The following CCDC60 variants were observed in gnomAD, a reference collection of about 807,000 sequenced individuals.
CCDC60 encodes the protein coiled-coil domain-containing protein 60.
A neutral mutation model predicts 63.5 loss-of-function variants in CCDC60; 54 were observed. The ratio of observed to expected loss-of-function variants is 0.85; its 90% CI spans 0.68 to 1.07. The LOEUF (loss-of-function observed/expected upper bound fraction) is 1.07. Ranked by LOEUF, CCDC60 falls within the 50% of genes least tolerant of loss-of-function variation. The pLI is 0.00. For missense variants in CCDC60, 651 were observed against 684.3 expected (o/e 0.95, Z 0.54); for synonymous variants, 206 against 238.8 (o/e 0.86, Z 1.27).
intron 1 of CCDC60, among the ~76,000 whole-genome samples, chr12:119,390,956 C>T (rs1956147206): frequency 6.6e-6 from 1 of 152,236 alleles, no homozygotes; most frequent in Non-Finnish European, 1.5e-5. Flanking sequence ...GCTGTTTAAC[C>T]TCAGGCCACC....
At chr12:119,393,971 T>A (rs1483997467) in intron 1 of CCDC60, among the ~76,000 whole-genome samples, 1 of 152,196 alleles carries the variant, frequency 6.6e-6, no homozygotes, top group Non-Finnish European at 1.5e-5. Flanking sequence ...CCTGATCATC[T>A]TGAGCTTAAG....
chr12:119,465,980 A>G (rs543641999), intron 2 of CCDC60, among the ~76,000 whole-genome samples: 1 of 152,220 alleles, frequency 6.6e-6, no homozygotes, highest in Non-Finnish European at 1.5e-5. Context: ...ATATGATGTC[A>G]TATAACATTT....
intron 7 of CCDC60, among the ~76,000 whole-genome samples, chr12:119,507,754 T>C (rs1031128307): frequency 2.0e-5 from 3 of 150,888 alleles, no homozygotes; most frequent in Non-Finnish European, 4.4e-5. Context: ...CACTTACGGA[T>C]TTCTTGATTC....
At chr12:119,481,620 T>G (rs1951320265) in intron 4 of CCDC60, among the ~76,000 whole-genome samples, 1 of 152,114 alleles carries the variant, frequency 6.6e-6, no homozygotes, top group African/African-American at 2.4e-5. Flanking sequence ...TTTTTTTATT[T>G]CCATAGGTTT....
intron 2 of CCDC60, among the ~76,000 whole-genome samples, chr12:119,461,608 G>T (rs989054495): frequency 6.6e-6 from 1 of 152,204 alleles, no homozygotes; most frequent in African/African-American, 2.4e-5. Context: ...TGGTTGAGAA[G>T]AAATTGTATT....
At chr12:119,346,817 T>C (rs1955600402) in intron 1 of CCDC60, among the ~76,000 whole-genome samples, 1 of 134,330 alleles carries the variant, frequency 7.4e-6, no homozygotes, top group Non-Finnish European at 1.7e-5. Flanking sequence ...TCTTTCTTTC[T>C]TTCTTTCTTT....
chr12:119,447,316 C>T (rs1950560274), intron 2 of CCDC60, among the ~76,000 whole-genome samples: 1 of 152,156 alleles, frequency 6.6e-6, no homozygotes, highest in South Asian at 2.1e-4. Context: ...ACCCCTCCCA[C>T]TTCCCCTTGT....
At chr12:119,433,621 G>C in intron 2 of CCDC60, 1 of 700,754 alleles carries the variant, frequency 1.4e-6, no homozygotes, top group Non-Finnish European at 2.6e-6. Context: ...TAAATGAGGC[G>C]AATTGTTAAC....
chr12:119,354,601 T>G (rs747963836), intron 1 of CCDC60, among the ~76,000 whole-genome samples: 4 of 152,210 alleles, frequency 2.6e-5, no homozygotes, highest in Non-Finnish European at 5.9e-5. Context: ...GGAGACTTTC[T>G]TTCCAGCTAC....
intron 1 of CCDC60, among the ~76,000 whole-genome samples, chr12:119,422,289 T>C (rs563619930): frequency 2.5e-4 from 38 of 152,180 alleles, no homozygotes; most frequent in African/African-American, 8.9e-4. Context: ...TGCAACCAGG[T>C]TGGGAGTCAT....
intron 6 of CCDC60, 115 bp from the exon 7 acceptor site, chr12:119,504,954 C>G (rs1951950941): frequency 2.9e-6 from 2 of 695,886 alleles, no homozygotes; most frequent in African/African-American, 3.6e-5. Context: ...CAGTCAGACC[C>G]AGGCTTTGCT....
chr12:119,449,484 T>C (rs375738818), intron 2 of CCDC60, among the ~76,000 whole-genome samples: 1 of 152,124 alleles, frequency 6.6e-6, no homozygotes, highest in East Asian at 1.9e-4. Flanking sequence ...TATAACCTGC[T>C]CCATCCAAAG....
rs1566027854 is a variant in CCDC60 at position 119,472,146 on chromosome 12, A to AT, written c.324dup (p.Gly109TrpfsTer9). 1.2e-6 allele frequency: 2 copies of AT among 1,614,076 alleles called. No individual in the cohort carries two copies. The highest frequency in any genetic ancestry group is 1.7e-6 in the Non-Finnish European group (2 of 1,179,974). On this transcript the variant is annotated frameshift_variant, in exon 3 of 14. Coordinates refer to ENST00000327554, the MANE Select transcript of CCDC60 (RefSeq NM_178499.5). LOFTEE classifies it high-confidence loss of function. ...GCCGAAAAGATCTCAGAAATCCACT[A>AT]TGGGGACACCTTATTGAGGTAAGTG...
At chr12:119,519,399 ATATGTGTGTG>A (rs1381384420) in intron 8 of CCDC60, among the ~76,000 whole-genome samples, 1,724 of 99,954 alleles carry the variant, frequency 0.017, 13 homozygotes, top group Non-Finnish European at 0.025. Context: ...GTAGTGATAT[ATATGTGTGTG>A]TGTGTGTGTG....
At chr12:119,523,097 C>T in intron 10 of CCDC60, 96 bp downstream of exon 10, 3 of 1,098,870 alleles carry the variant, frequency 2.7e-6, no homozygotes, top group Non-Finnish European at 2.8e-6. Context: ...CCAATGCAGA[C>T]CAGACTCCCT....
At chr12:119,476,105 C>T (rs1053469391) in intron 3 of CCDC60, among the ~76,000 whole-genome samples, 3 of 151,972 alleles carry the variant, frequency 2.0e-5, no homozygotes, top group African/African-American at 7.3e-5. Context: ...CCATAGAATA[C>T]ATTCTTTTAG....
At chr12:119,400,697 T>C (rs1565987794) in intron 1 of CCDC60, among the ~76,000 whole-genome samples, 2 of 152,254 alleles carry the variant, frequency 1.3e-5, no homozygotes, top group Admixed American at 6.5e-5. Flanking sequence ...CAGAATGTAG[T>C]CCATGAATTT....
At chr12:119,341,161 C>T (rs1265965781) in intron 1 of CCDC60, among the ~76,000 whole-genome samples, 2 of 152,184 alleles carry the variant, frequency 1.3e-5, no homozygotes, top group African/African-American at 2.4e-5. Flanking sequence ...CTTGCCTTAG[C>T]GAATCTTGCT....
intron 1 of CCDC60, among the ~76,000 whole-genome samples, chr12:119,356,117 T>G (rs1174968039): frequency 6.6e-6 from 1 of 152,248 alleles, no homozygotes; most frequent in Non-Finnish European, 1.5e-5. Flanking sequence ...TACAGCTACT[T>G]GCTCTAAACA....
Sources: gnomAD v4.1 joint callset for allele counts (sites outside exome capture counted in the v4.1 genomes callset) on GRCh38, gnomAD v4.1.1 for gene constraint, MANE v1.5 for transcripts, NCBI Gene and HGNC (gene_info 2026-07-23, HGNC 2026-07-21) for gene names.